Variants in SETD6 observed in about 807,000 individuals in gnomAD.
SETD6 encodes the protein SET domain containing 6, protein lysine methyltransferase.
A neutral mutation model predicts 52.7 loss-of-function variants in SETD6; 67 were observed. That is an observed-to-expected ratio of 1.27 (90% confidence interval 1.04 to 1.56). The LOEUF (loss-of-function observed/expected upper bound fraction) is 1.56. Among genes scored for constraint, SETD6 ranks in the 40% most tolerant of loss-of-function variants. SETD6 has a pLI of 0.00. For missense variants in SETD6, 712 were observed against 607.5 expected, an observed-to-expected ratio of 1.17 and a Z score of -1.81; for synonymous variants, 307 against 250.2, an observed-to-expected ratio of 1.23 and a Z score of -2.14.
Position 58,520,855 on chromosome 16 carries a change from G to A in SETD6, c.*1826G>A. On this transcript the variant is annotated 3_prime_UTR_variant, in exon 8 of 8. Transcript: ENST00000219315. ...TGGGGCAGATACCCACAAACCAAAG[G>A]GCTGGGAAAGTCAGGAAGAGCTGAA... 1 of 1,213,054 alleles carries A rather than the reference G, an allele frequency of 8.2e-7. No homozygotes were observed. The highest frequency in any genetic ancestry group is 1.7e-5 in the Admixed American group (1 of 58,062). 75.1% of individuals were successfully genotyped at this position (1,213,054 alleles called of 1,614,324 possible). A position where few individuals can be genotyped will look rare whatever the true frequency, so the allele number is the denominator to read the frequency against.
rs2039444361 is a variant in SETD6 at position 58,522,633 on chromosome 16, GTTA to G, written c.*3605_*3607del. Reference sequence around the variant, plus strand: ...ATCTGGCAACAGATTCCTAACTATTGTTAGGAAAATGCAAGTATGATCCTGTTA... The same window carrying G: ...ATCTGGCAACAGATTCCTAACTATTGGGAAAATGCAAGTATGATCCTGTTA... On this transcript the variant is annotated 3_prime_UTR_variant, in exon 8 of 8. Coordinates refer to ENST00000219315, the MANE Select transcript of SETD6 (RefSeq NM_001160305.4). 6.6e-6 allele frequency among the ~76,000 whole-genome samples: 1 copy of G among 152,114 alleles called. No individual in the cohort carries two copies. Among genetic ancestry groups the G allele is most frequent in the Non-Finnish European group, 1.5e-5 (1 of 68,026 alleles).
Position 58,522,470 on chromosome 16 carries a change from A to G in SETD6, c.*3441A>G, listed in dbSNP as rs923724253. Among the ~76,000 whole-genome samples the G allele has an allele frequency of 6.6e-6, 1 of 150,458 alleles. No individual in the cohort carries two copies. Among genetic ancestry groups the G allele is most frequent in the Non-Finnish European group, 1.5e-5 (1 of 67,952 alleles). ...CCAATAAGATATTAAATTTTAGTAC[A>G]CAAATCAAAGGAATACCATATTTAG... On this transcript the variant is annotated 3_prime_UTR_variant, in exon 8 of 8. Transcript: ENST00000219315.
Position 58,516,996 on chromosome 16 carries a change from T to C in SETD6, c.792+68T>C, listed in dbSNP as rs1162572026. 1.9e-6 allele frequency: 3 copies of C among 1,610,976 alleles called. No individual in the cohort carries two copies. In the East Asian group the frequency reaches 6.7e-5, roughly 36 times the overall value. ...AGCCATTGTGTCTTAGGCTCCATTC[T>C]CTTACTAGTGCTACAAAATGAGTAG... On this transcript the variant is annotated intron_variant, in intron 5 of 7. Transcript: ENST00000219315.
rs747696364 is a variant in SETD6, at chr16:58,516,221, C to G, written c.354C>G (p.Ser118Arg). Residue 118 changes from serine to arginine, a missense_variant, in exon 3 of 8, where the codon AGC (serine) becomes AGG (arginine). Coordinates refer to ENST00000219315, the MANE Select transcript of SETD6 (RefSeq NM_001160305.4). ...LLERERVALQ[S>R]QSGWVPLLLA... ...CCTCAGAGCGAGTTGCGCTGCAGAG[C>G]CAGTCGGGCTGGGTGCCACTGCTGC... The G allele has an allele frequency of 1.3e-6, 2 of 1,594,350 alleles. No homozygotes were observed. The highest frequency in any genetic ancestry group is 2.7e-5 in the African/African-American group (2 of 74,634).
At position 58,520,791 on chromosome 16, in the gene SETD6, C is replaced by T. The variant is rs1205108851; in HGVS notation, c.*1762C>T. 2.3e-5 allele frequency: 15 copies of T among 649,678 alleles called. No homozygotes were observed. Among genetic ancestry groups the T allele is most frequent in the African/African-American group, 3.6e-5 (2 of 55,084 alleles). The allele number at this position is 649,678 out of a possible 1,614,324, so 40.2% of individuals were successfully genotyped here. A position where few individuals can be genotyped will look rare whatever the true frequency, so the allele number is the denominator to read the frequency against. Reference sequence around the variant, plus strand: ...AAAAAAATGCATTTAAACTTTGGAACGTGCCCACATAAGACAGGAGGCTGA... The same window carrying T: ...AAAAAAATGCATTTAAACTTTGGAATGTGCCCACATAAGACAGGAGGCTGA... On this transcript the variant is annotated 3_prime_UTR_variant, in exon 8 of 8. Coordinates refer to ENST00000219315, the MANE Select transcript of SETD6 (RefSeq NM_001160305.4).
rs761658881 is a variant in SETD6 at position 58,518,979 on chromosome 16, C to T, written c.1372C>T (p.Arg458Cys). Residue 458 changes from arginine to cysteine, a missense_variant, in exon 8 of 8, where the codon CGC becomes TGC. Physicochemically the swap from Arg to Cys is radical, Grantham distance 180 (BLOSUM62 -3). Transcript: ENST00000219315. ...SWREQQALQV[R>C]YGQKMILHQL... The stretch of plus-strand genomic sequence containing the variant: ...GAGGGAACAGCAAGCCTTACAGGTT[C>T]GCTATGGTCAGAAGATGATCTTACA... 1.7e-5 allele frequency: 27 copies of T among 1,613,950 alleles called. No individual in the cohort carries two copies. The highest frequency in any genetic ancestry group is 1.2e-4 in the Admixed American group (7 of 60,002).
Position 58,523,576 on chromosome 16 carries a change from G to A in SETD6, c.*4547G>A. ...TGGGAAGACAGTTCTAACTGGCTAG[G>A]GTTTGGGTTTCTGACAGAGGCTTTC... On this transcript the variant is annotated 3_prime_UTR_variant, in exon 8 of 8. Coordinates refer to ENST00000219315, the MANE Select transcript of SETD6 (RefSeq NM_001160305.4). 1 of 1,436,466 alleles carries A rather than the reference G, an allele frequency of 7.0e-7. No homozygotes were observed. Among genetic ancestry groups the A allele is most frequent in the Non-Finnish European group, 9.5e-7 (1 of 1,055,018 alleles). 89.0% of individuals were successfully genotyped at this position (1,436,466 alleles called of 1,614,324 possible).
Position 58,520,225 on chromosome 16 carries a change from AG to A in SETD6, c.*1198del, listed in dbSNP as rs2039319563. On this transcript the variant is annotated 3_prime_UTR_variant, in exon 8 of 8. Transcript: ENST00000219315. ...TATATTCCCACTGTTTTTAAGTTTC[AG>A]GAGAGGATTGGGGGGGTGAGGGTAG... The A allele has an allele frequency of 7.4e-6, 1 of 135,910 alleles. No individual in the cohort carries two copies. Among genetic ancestry groups the A allele is most frequent in the Non-Finnish European group, 1.5e-5 (1 of 64,834 alleles). The allele number at this position is 135,910 out of a possible 1,614,324, so 8.4% of individuals were successfully genotyped here.
rs2039356908 is a variant in SETD6, at chr16:58,521,218, G to A, written c.*2189G>A. 1.2e-6 allele frequency: 2 copies of A among 1,613,974 alleles called. No homozygotes were observed. Among genetic ancestry groups the A allele is most frequent in the Admixed American group, 1.7e-5 (1 of 59,968 alleles). ...CTGGGGCACAGTGTACAAATTCATGGTTCCAGAACTTAAACGCTGGGTTTT... is the reference window on the plus strand; with the variant it reads ...CTGGGGCACAGTGTACAAATTCATGATTCCAGAACTTAAACGCTGGGTTTT... On this transcript the variant is annotated 3_prime_UTR_variant, in exon 8 of 8. Coordinates refer to ENST00000219315, the MANE Select transcript of SETD6 (RefSeq NM_001160305.4).
chr16:58,523,552 G>A lies in SETD6; in HGVS notation c.*4523G>A, dbSNP rs1197388236. The stretch of plus-strand genomic sequence containing the variant: ...AGGACTTAGTCTGAAAGGCCAACAT[G>A]GGAAGACAGTTCTAACTGGCTAGGG... On this transcript the variant is annotated 3_prime_UTR_variant, in exon 8 of 8. Transcript: ENST00000219315. 2 of 1,589,856 alleles carry A rather than the reference G, an allele frequency of 1.3e-6. No homozygotes were observed. The highest frequency in any genetic ancestry group is 1.7e-6 in the Non-Finnish European group (2 of 1,162,630).
At chr16:58,518,677 G>A (rs1361932490) in intron 7 of SETD6, 47 bp from the exon 8 acceptor site, 2 of 1,599,984 alleles carry the variant, frequency 1.3e-6, no homozygotes, top group African/African-American at 1.4e-5. Context: ...CATTTCAGAA[G>A]TACAAAAGCA....
rs756026752 is a variant in SETD6 at position 58,516,200 on chromosome 16, A to C, written c.335-2A>C. ...GGGCGCTCACACCTGTGTCTTCCTCAGAGCGAGTTGCGCTGCAGAGCCAGT... is the reference window on the plus strand; with the variant it reads ...GGGCGCTCACACCTGTGTCTTCCTCCGAGCGAGTTGCGCTGCAGAGCCAGT... On this transcript the variant is annotated splice_acceptor_variant, in intron 2 of 7. Coordinates refer to ENST00000219315, the MANE Select transcript of SETD6 (RefSeq NM_001160305.4). LOFTEE classifies it high-confidence loss of function. 1.9e-6 allele frequency: 3 copies of C among 1,582,712 alleles called. No individual in the cohort carries two copies. Among genetic ancestry groups the C allele is most frequent in the African/African-American group, 1.4e-5 (1 of 73,924 alleles).
At chr16:58,518,596 A>C in intron 7 of SETD6, 53 bp downstream of exon 7, 1 of 1,584,254 alleles carries the variant, frequency 6.3e-7, no homozygotes, top group Non-Finnish European at 8.5e-7. Context: ...ATTTAAAGCA[A>C]AATAGCTAGA....
rs534822224 is a variant in SETD6, at chr16:58,515,988, C to T, written c.225C>T (p.Tyr75=). The change falls in exon 2 of 8, where the codon TAC becomes TAT. Residue 75 remains tyrosine (Y), a synonymous_variant. Transcript: ENST00000219315. ...GCCGGCAGGGCACGGTGGCCGGCTA[C>T]GGCATGGTGGCCCGGGAGAGCGTGC... The part of the protein sequence containing the change: ...AVSRQGTVAG[Y]GMVARESVQA... The T allele has an allele frequency of 5.1e-5, 78 of 1,541,072 alleles. No individual in the cohort carries two copies. The highest frequency in any genetic ancestry group is 6.2e-5 in the Non-Finnish European group (71 of 1,154,126).
At position 58,521,857 on chromosome 16, in the gene SETD6, A is replaced by G. The variant is rs992277449; in HGVS notation, c.*2828A>G. Among the ~76,000 whole-genome samples, 1 of 152,192 alleles carries G rather than the reference A, an allele frequency of 6.6e-6. No individual in the cohort carries two copies. The highest frequency in any genetic ancestry group is 2.4e-5 in the African/African-American group (1 of 41,456). ...AATCCCAGCAGTCGGACGCTGAGGC[A>G]GGAGAATCGCTTGAACCCAGTAGGT... On this transcript the variant is annotated 3_prime_UTR_variant, in exon 8 of 8. Transcript: ENST00000219315.
chr16:58,515,933 T>C lies in SETD6; in HGVS notation c.170T>C (p.Leu57Pro). 1 of 1,517,520 alleles carries C rather than the reference T, an allele frequency of 6.6e-7. No individual in the cohort carries two copies. The highest frequency in any genetic ancestry group is 2.0e-5 in the Admixed American group (1 of 49,052). 94.0% of individuals were successfully genotyped at this position (1,517,520 alleles called of 1,614,324 possible). Residue 57 changes from leucine (L) to proline (P), a missense_variant, in exon 2 of 8, where the codon CTG (leucine) becomes CCG (proline). By Grantham distance (98) the Leu-to-Pro change is moderately conservative. Coordinates refer to ENST00000219315, the MANE Select transcript of SETD6 (RefSeq NM_001160305.4). ...RRTRGGARAA[L>P]TSPPAQVAVS... ...ACCCGCGGCGGGGCGCGGGCTGCCC[T>C]GACCAGCCCTCCTGCTCAGGTGGCG... is the stretch of plus-strand genomic sequence containing the variant.
Position 58,519,446 on chromosome 16 carries a change from C to A in SETD6, c.*417C>A. ...GATTTAATAAGCTGTGTAACTGGTA[C>A]TCGATAGTTACCCAAAGTTCAGTCT... On this transcript the variant is annotated 3_prime_UTR_variant, in exon 8 of 8. Coordinates refer to ENST00000219315, the MANE Select transcript of SETD6 (RefSeq NM_001160305.4). 1 of 175,358 alleles carries A rather than the reference C, an allele frequency of 5.7e-6. No individual in the cohort carries two copies. The highest frequency in any genetic ancestry group is 1.2e-5 in the Non-Finnish European group (1 of 80,822). The allele number at this position is 175,358 out of a possible 1,614,324, so 10.9% of individuals were successfully genotyped here. A position where few individuals can be genotyped will look rare whatever the true frequency, so the allele number is the denominator to read the frequency against.
In SETD6 at chr16:58,518,405, A is replaced by G. The variant is rs752361889; in HGVS notation, c.978A>G (p.Thr326=). Residue 326 remains threonine (T), a synonymous_variant, in exon 7 of 8, where the codon ACA becomes ACG. Transcript: ENST00000219315. ...ACATTGCTGTTTCATCTACAGGAAC[A>G]AAAACTGAAGCTGAAAGGCACCTAG... ...VTVREAALQG[T]KTEAERHLVY... is the part of the protein sequence containing the mutation. 2 of 1,580,966 alleles carry G rather than the reference A, an allele frequency of 1.3e-6. No homozygotes were observed. The highest frequency in any genetic ancestry group is 1.7e-6 in the Non-Finnish European group (2 of 1,169,394).
rs1467973427 is a variant in SETD6, at chr16:58,523,839, C to T, written c.*4810C>T. On this transcript the variant is annotated 3_prime_UTR_variant, in exon 8 of 8. Coordinates refer to ENST00000219315, the MANE Select transcript of SETD6 (RefSeq NM_001160305.4). ...TTGCTTAATAAAAGACAGCTGGATT[C>T]TCATTTCTGCTTCTGTGTTCAACTT... 1 of 197,628 alleles carries T rather than the reference C, an allele frequency of 5.1e-6. No individual in the cohort carries two copies. Among genetic ancestry groups the T allele is most frequent in the Non-Finnish European group, 1.0e-5 (1 of 95,878 alleles). 12.2% of individuals were successfully genotyped at this position (197,628 alleles called of 1,614,324 possible).
Sources: gnomAD v4.1 joint callset for allele counts (sites outside exome capture counted in the v4.1 genomes callset) on GRCh38, gnomAD v4.1.1 for gene constraint, MANE v1.5 for transcripts, NCBI Gene and HGNC (gene_info 2026-07-23, HGNC 2026-07-21) for gene names.